Variants in PTPRN2 observed in about 807,000 individuals in gnomAD.
PTPRN2 encodes the protein protein tyrosine phosphatase receptor type N2.
In PTPRN2, 74 loss-of-function variants were observed where a neutral mutation model predicts 118.8. The ratio of observed to expected loss-of-function variants is 0.62; its 90% CI spans 0.52 to 0.76. The LOEUF (loss-of-function observed/expected upper bound fraction) is 0.76. Ranked by LOEUF, PTPRN2 falls within the 30% of genes least tolerant of loss-of-function variation. The pLI is 0.00. For synonymous variants in PTPRN2, 641 were observed against 608.0 expected (o/e 1.05, Z -0.80); for missense variants, 1,481 against 1,394.4 (o/e 1.06, Z -0.99).
chr7:157,827,593 A>T (rs1585567817), intron 12 of PTPRN2, among the ~76,000 whole-genome samples: 1 of 152,180 alleles, frequency 6.6e-6, no homozygotes, highest in Non-Finnish European at 1.5e-5. Context: ...TGTCCTTCAA[A>T]CCCAGTGGCC....
At chr7:158,104,995 C>T (rs764392049) in intron 10 of PTPRN2, among the ~76,000 whole-genome samples, 1 of 144,132 alleles carries the variant, frequency 6.9e-6, no homozygotes, top group Non-Finnish European at 1.5e-5. Flanking sequence ...CTCCATCAAA[C>T]TCCATCCCAG....
chr7:158,042,824 C>T (rs772581142), intron 11 of PTPRN2, among the ~76,000 whole-genome samples: 5 of 152,222 alleles, frequency 3.3e-5, no homozygotes, highest in South Asian at 2.1e-4. Flanking sequence ...CAGAGACTTA[C>T]GGCTGAAACT....
intron 2 of PTPRN2, among the ~76,000 whole-genome samples, chr7:158,450,880 GC>G (rs1178944012): frequency 1.3e-5 from 2 of 152,196 alleles, no homozygotes; most frequent in Admixed American, 6.5e-5. Context: ...CGAAACCTCA[GC>G]CGCAGCAAAC....
At chr7:158,072,235 C>T (rs1413446924) in intron 11 of PTPRN2, among the ~76,000 whole-genome samples, 9 of 152,148 alleles carry the variant, frequency 5.9e-5, no homozygotes, top group African/African-American at 1.7e-4. Context: ...AATGCAAATA[C>T]GTAGAATGCT....
intron 2 of PTPRN2, among the ~76,000 whole-genome samples, chr7:158,380,991 G>A (rs1323744840): frequency 5.3e-5 from 8 of 152,358 alleles, no homozygotes; most frequent in South Asian, 2.1e-4. Context: ...CAGCTGGGAC[G>A]CAGGGCATCA....
chr7:157,724,414 C>A (rs1168161204), intron 12 of PTPRN2, among the ~76,000 whole-genome samples: 1 of 152,176 alleles, frequency 6.6e-6, no homozygotes, highest in Non-Finnish European at 1.5e-5. Flanking sequence ...ATTATTGGAG[C>A]CAATTTCCTG....
At chr7:157,621,093 GGTAT>G (rs1803171754) in intron 15 of PTPRN2, among the ~76,000 whole-genome samples, 1 of 129,164 alleles carries the variant, frequency 7.7e-6, no homozygotes, top group Non-Finnish European at 1.8e-5. Flanking sequence ...CCCCGGGGCT[GGTAT>G]GTACAGGTCA....
At chr7:158,004,920 T>C (rs1805535315) in intron 11 of PTPRN2, among the ~76,000 whole-genome samples, 2 of 152,176 alleles carry the variant, frequency 1.3e-5, no homozygotes, top group African/African-American at 2.4e-5. Flanking sequence ...TGAAGTGTGT[T>C]GTAGAAATGC....
rs1790419537 is a variant in PTPRN2 at position 157,615,818 on chromosome 7, C to G, written c.2344+5544G>C. 2 of 353,340 alleles carry G rather than the reference C, an allele frequency of 5.7e-6. No homozygotes were observed. Among genetic ancestry groups the G allele is most frequent in the Non-Finnish European group, 1.1e-5 (2 of 177,568 alleles). The allele number at this position is 353,340 out of a possible 1,614,324, so 21.9% of individuals were successfully genotyped here. A position where few individuals can be genotyped will look rare whatever the true frequency, so the allele number is the denominator to read the frequency against. ...TCCTGTTAAACTTGACTGTCACCAA[C>G]GGGGGGTGGGGGGTGCGCGAGGCCC... On this transcript the variant is annotated intron_variant, in intron 15 of 22. Transcript: ENST00000389418. This position sits in a 1 kb window ranked among gnomAD's most constrained non-coding sequence, Gnocchi z 4.3.
intron 15 of PTPRN2, among the ~76,000 whole-genome samples, chr7:157,605,351 T>C (rs1186747497): frequency 6.6e-6 from 1 of 152,166 alleles, no homozygotes; most frequent in Admixed American, 6.5e-5. Flanking sequence ...TCCTGGAAGT[T>C]TGGAGATACC....
rs756289612 is a variant in PTPRN2, at chr7:158,324,043, A to ACT, written c.164-7112_164-7111insAG. 4.7e-5 allele frequency among the ~76,000 whole-genome samples: 6 copies of ACT among 128,908 alleles called. 1 individual carries two copies. The highest frequency in any genetic ancestry group is 1.8e-4 in the African/African-American group (6 of 33,360). The allele number at this position is 128,908 out of a possible 152,430, so 84.6% of individuals were successfully genotyped here. Reference sequence around the variant, plus strand: ...GACACACACACAGGAGCACGTACACACACATTTGCAAACGTGCACACACAC... The same window carrying ACT: ...GACACACACACAGGAGCACGTACACACTCACATTTGCAAACGTGCACACACAC... On this transcript the variant is annotated intron_variant, in intron 2 of 22. Coordinates refer to ENST00000389418, the MANE Select transcript of PTPRN2 (RefSeq NM_002847.5).
At chr7:158,263,906 G>T (rs1258230731) in intron 3 of PTPRN2, among the ~76,000 whole-genome samples, 1 of 152,210 alleles carries the variant, frequency 6.6e-6, no homozygotes, top group Non-Finnish European at 1.5e-5. Flanking sequence ...ACCCAGCGGA[G>T]GTGGCTGAAC....
intron 11 of PTPRN2, among the ~76,000 whole-genome samples, chr7:157,918,461 C>T (rs1020054641): frequency 3.3e-5 from 5 of 152,194 alleles, no homozygotes; most frequent in Admixed American, 3.3e-4. Flanking sequence ...TAACGAGAAA[C>T]ACACACAGTG....
Position 157,813,122 on chromosome 7 carries a change from A to G in PTPRN2, c.1788+85551T>C, listed in dbSNP as rs1426166022. Among the ~76,000 whole-genome samples the G allele has an allele frequency of 1.3e-5, 2 of 152,122 alleles. No individual in the cohort carries two copies. Among genetic ancestry groups the G allele is most frequent in the African/African-American group, 2.4e-5 (1 of 41,384 alleles). The stretch of plus-strand genomic sequence containing the variant: ...CCTGTGCCGTGCTAAAACCACACGC[A>G]TGGCAGCCTCCCCCAAGCCAACCAC... On this transcript the variant is annotated intron_variant, in intron 12 of 22. Coordinates refer to ENST00000389418, the MANE Select transcript of PTPRN2 (RefSeq NM_002847.5). The surrounding 1 kb of genome is among the most constrained non-coding windows in gnomAD (Gnocchi z 4.7).
chr7:158,191,156 TG>T (rs1033970597), intron 5 of PTPRN2, among the ~76,000 whole-genome samples: 14 of 152,174 alleles, frequency 9.2e-5, no homozygotes, highest in Admixed American at 7.2e-4. Context: ...TCGAGGTCTG[TG>T]GGGGTTGCCC....
At chr7:158,371,199 T>A (rs1028419171) in intron 2 of PTPRN2, among the ~76,000 whole-genome samples, 2 of 151,974 alleles carry the variant, frequency 1.3e-5, no homozygotes, top group African/African-American at 4.8e-5. Flanking sequence ...GCAACATGGA[T>A]CTCCAATGGC....
chr7:157,870,084 G>C (rs145500572), intron 12 of PTPRN2, among the ~76,000 whole-genome samples: 1 of 152,124 alleles, frequency 6.6e-6, no homozygotes, highest in Non-Finnish European at 1.5e-5. Context: ...TCTTGATTCC[G>C]CTGTTAAAAA....
intron 3 of PTPRN2, among the ~76,000 whole-genome samples, chr7:158,269,545 T>C (rs1263420175): frequency 6.6e-6 from 1 of 152,150 alleles, no homozygotes; most frequent in Non-Finnish European, 1.5e-5. Context: ...CTATTTGGCA[T>C]TTTCAAATCC....
chr7:157,999,827 C>T (rs1000901759), intron 11 of PTPRN2, among the ~76,000 whole-genome samples: 4 of 152,030 alleles, frequency 2.6e-5, no homozygotes, highest in African/African-American at 7.2e-5. Context: ...CACACTTGAT[C>T]TCAGATGTTT....
Sources: gnomAD v4.1 joint callset for allele counts (sites outside exome capture counted in the v4.1 genomes callset) on GRCh38, gnomAD v4.1.1 for gene constraint, Gnocchi (gnomAD v3.1) non-coding constraint, MANE v1.5 for transcripts, NCBI Gene and HGNC (gene_info 2026-07-23, HGNC 2026-07-21) for gene names.